The following MRAP2 variants were observed in gnomAD, a reference collection of about 807,000 sequenced individuals.
The protein encoded by MRAP2 is melanocortin 2 receptor accessory protein 2.
In MRAP2, 20 loss-of-function variants were observed where a neutral mutation model predicts 17.4. That is an observed-to-expected ratio of 1.15 (90% CI 0.81 to 1.67). The LOEUF is 1.67. Ranked by LOEUF, MRAP2 falls within the 40% of genes most tolerant of loss-of-function variation. The pLI is 0.00. For synonymous variants in MRAP2, 96 were observed against 88.4 expected (o/e 1.09, Z -0.48); for missense variants, 238 against 240.0 (o/e 0.99, Z 0.05).
the MRAP2 span, among the ~76,000 whole-genome samples, chr6:84,096,184 T>C: frequency 2.6e-5 from 4 of 152,182 alleles, no homozygotes; most frequent in African/African-American, 9.6e-5. Flanking sequence ...AGGATACAGA[T>C]GTTGTATGTA....
At chr6:84,111,321 A>G in the MRAP2 span, among the ~76,000 whole-genome samples, 1 of 152,070 alleles carries the variant, frequency 6.6e-6, no homozygotes, top group Non-Finnish European at 1.5e-5. Context: ...AGTCCTTCAG[A>G]TCCCTTGTAA....
chr6:84,092,395 A>G (rs2099501913), downstream of MRAP2, among the ~76,000 whole-genome samples: 1 of 152,076 alleles, frequency 6.6e-6, no homozygotes, highest in Non-Finnish European at 1.5e-5. Context: ...AATATACTCC[A>G]CAGTCTCAAT....
At chr6:84,081,232 A>C (rs1442579102) in intron 3 of MRAP2, among the ~76,000 whole-genome samples, 1 of 152,226 alleles carries the variant, frequency 6.6e-6, no homozygotes, top group Admixed American at 6.5e-5. Context: ...AAGAGGGGTC[A>C]AAGTCTCATT....
the MRAP2 span, among the ~76,000 whole-genome samples, chr6:84,123,428 T>C: frequency 6.6e-6 from 1 of 152,054 alleles, no homozygotes; most frequent in Admixed American, 6.6e-5. Flanking sequence ...AGCCACATAC[T>C]TACAACTAAC....
intron 3 of MRAP2, among the ~76,000 whole-genome samples, chr6:84,068,784 C>CTT (rs34220070): frequency 0.03 from 1,638 of 55,070 alleles, 31 homozygotes; most frequent in African/African-American, 0.044. Flanking sequence ...TTGCTGAATT[C>CTT]TTTTTTTTTT....
the MRAP2 span, among the ~76,000 whole-genome samples, chr6:84,114,706 T>C: frequency 2.6e-5 from 4 of 152,174 alleles, no homozygotes; most frequent in African/African-American, 9.7e-5. Context: ...CCCATCTTTG[T>C]GGATTTATCT....
At chr6:84,065,311 C>T (rs1346168283) in intron 3 of MRAP2, among the ~76,000 whole-genome samples, 1 of 151,510 alleles carries the variant, frequency 6.6e-6, no homozygotes, top group Non-Finnish European at 1.5e-5. Context: ...TAAACACAAA[C>T]ATTTTAAATG....
chr6:84,113,945 A>T, the MRAP2 span, among the ~76,000 whole-genome samples: 1 of 152,076 alleles, frequency 6.6e-6, no homozygotes, highest in Non-Finnish European at 1.5e-5. Context: ...CTGCCGAGAG[A>T]TCTGTTAGTC....
chr6:84,121,783 C>CT, the MRAP2 span, among the ~76,000 whole-genome samples: 1 of 152,018 alleles, frequency 6.6e-6, no homozygotes, highest in Non-Finnish European at 1.5e-5. Context: ...ATACCAAAAC[C>CT]TTTGGGATAC....
chr6:84,124,756 AAT>A, the MRAP2 span: 1 of 321,308 alleles, frequency 3.1e-6, no homozygotes, highest in African/African-American at 2.3e-5. Flanking sequence ...TCACATTATC[AAT>A]AAAAATGTGG....
chr6:84,102,523 C>A, the MRAP2 span, among the ~76,000 whole-genome samples: 5 of 152,206 alleles, frequency 3.3e-5, no homozygotes, highest in Non-Finnish European at 7.3e-5. Flanking sequence ...AAAACAGATT[C>A]TTTTCTAGAG....
chr6:84,117,645 G>T, the MRAP2 span, among the ~76,000 whole-genome samples: 1 of 104,514 alleles, frequency 9.6e-6, no homozygotes, highest in Admixed American at 9.2e-5. Flanking sequence ...GATGTGGGGT[G>T]TGTGTCTGTG....
At chr6:84,057,189 C>T (rs1268196607) in intron 2 of MRAP2, among the ~76,000 whole-genome samples, 2 of 152,150 alleles carry the variant, frequency 1.3e-5, no homozygotes, top group East Asian at 3.8e-4. Flanking sequence ...ATCAAGTCAA[C>T]TGTTGAAATG....
the MRAP2 span, among the ~76,000 whole-genome samples, chr6:84,142,801 A>G: frequency 6.6e-6 from 1 of 152,150 alleles, no homozygotes; most frequent in East Asian, 1.9e-4. Flanking sequence ...AGTATCCATT[A>G]TTCCATGTAT....
chr6:84,113,113 T>A, the MRAP2 span, among the ~76,000 whole-genome samples: 1 of 152,148 alleles, frequency 6.6e-6, no homozygotes, highest in South Asian at 2.1e-4. Context: ...TATTAGGTCC[T>A]CTTGGTCCAG....
At chr6:84,062,200 G>T in intron 2 of MRAP2, 2 of 740,308 alleles carry the variant, frequency 2.7e-6, no homozygotes, top group South Asian at 1.2e-4. Flanking sequence ...AGCTTACTAG[G>T]TAAGCAAACT....
At chr6:84,134,955 CATAT>C in the MRAP2 span, among the ~76,000 whole-genome samples, 2 of 127,830 alleles carry the variant, frequency 1.6e-5, no homozygotes, top group African/African-American at 2.7e-5. Context: ...CACACACACA[CATAT>C]ATAGTGTTAG....
chr6:84,129,494 GTGTC>G, the MRAP2 span, among the ~76,000 whole-genome samples: 1 of 152,152 alleles, frequency 6.6e-6, no homozygotes, highest in Non-Finnish European at 1.5e-5. Flanking sequence ...CTTTTGAAAA[GTGTC>G]TGTCCATATC....
the MRAP2 span, among the ~76,000 whole-genome samples, chr6:84,111,952 G>T: frequency 6.6e-6 from 1 of 152,202 alleles, no homozygotes. Context: ...CAGGGATGAA[G>T]CCAACTTGAT....
Sources: gnomAD v4.1 joint callset for allele counts (sites outside exome capture counted in the v4.1 genomes callset) on GRCh38, gnomAD v4.1.1 for gene constraint, MANE v1.5 for transcripts, NCBI Gene and HGNC (gene_info 2026-07-23, HGNC 2026-07-21) for gene names.